The following CDH12 variants were observed in gnomAD, a reference collection of about 807,000 sequenced individuals.
CDH12 encodes the protein cadherin 12.
CDH12 carries 41 observed loss-of-function variants against 74.1 expected under a neutral mutation model. The observed-to-expected ratio is 0.55, with a 90% confidence interval of 0.43 to 0.72. The LOEUF is 0.72. Among genes scored for constraint, CDH12 ranks in the 30% least tolerant of loss-of-function variants. The probability of loss-of-function intolerance (pLI) is 0.00; values close to 1 mark genes in which losing one functional copy is unlikely to be tolerated. For missense variants in CDH12, 945 were observed against 977.2 expected (o/e 0.97, Z 0.44); for synonymous variants, 399 against 355.0 (o/e 1.12, Z -1.39).
chr5:22,597,836 T>C (rs1338275673), intron 1 of CDH12, among the ~76,000 whole-genome samples: 2 of 152,232 alleles, frequency 1.3e-5, no homozygotes, highest in Non-Finnish European at 2.9e-5. Flanking sequence ...AATGTGCAGG[T>C]ATTCAAGTAA....
rs533655490 is a variant in CDH12, at chr5:22,165,673, C to G, written c.-187+46825G>C. Among the ~76,000 whole-genome samples, 6 of 152,272 alleles carry G rather than the reference C, an allele frequency of 3.9e-5. No homozygotes were observed. In the South Asian group the frequency reaches 1.2e-3, roughly 32 times the overall value. On this transcript the variant is annotated intron_variant, in intron 4 of 14. Coordinates refer to ENST00000382254, the MANE Select transcript of CDH12 (RefSeq NM_004061.5). ...GCCAAGACCTACGGGGCTGCATCCC[C>G]AGATAGGCATTCTAAGTCAGAAGAT...
intron 2 of CDH12, among the ~76,000 whole-genome samples, chr5:22,491,980 C>T (rs373796712): frequency 1.4e-4 from 22 of 152,108 alleles, no homozygotes; most frequent in South Asian, 8.3e-4. Flanking sequence ...CTCACTATAA[C>T]GACCTCATTT....
chr5:21,938,411 A>C (rs1182684093), intron 6 of CDH12, among the ~76,000 whole-genome samples: 1 of 151,110 alleles, frequency 6.6e-6, no homozygotes, highest in Non-Finnish European at 1.5e-5. Context: ...AGACATAACA[A>C]TAAAACCACA....
At chr5:22,600,988 T>C (rs1736831320) in intron 1 of CDH12, among the ~76,000 whole-genome samples, 1 of 152,116 alleles carries the variant, frequency 6.6e-6, no homozygotes, top group African/African-American at 2.4e-5. Context: ...CACTTGTAAA[T>C]GAAGCTATTA....
intron 8 of CDH12, among the ~76,000 whole-genome samples, chr5:21,836,054 G>A (rs1000714222): frequency 6.6e-6 from 1 of 151,630 alleles, no homozygotes; most frequent in Admixed American, 6.6e-5. Flanking sequence ...CGTAAACAAA[G>A]ACAAAATATT....
intron 2 of CDH12, among the ~76,000 whole-genome samples, chr5:22,413,956 A>C (rs984889512): frequency 1.3e-5 from 2 of 152,024 alleles, no homozygotes; most frequent in Non-Finnish European, 2.9e-5. Context: ...TGCTTTTCAA[A>C]AACTTTTAAA....
At chr5:22,312,145 C>T (rs1362194891) in intron 3 of CDH12, among the ~76,000 whole-genome samples, 3 of 151,902 alleles carry the variant, frequency 2.0e-5, no homozygotes, top group Non-Finnish European at 4.4e-5. Flanking sequence ...ATTCAGAATA[C>T]ATTACTTGCA....
chr5:22,332,452 T>G (rs1425916161), intron 3 of CDH12, among the ~76,000 whole-genome samples: 1 of 152,102 alleles, frequency 6.6e-6, no homozygotes, highest in Non-Finnish European at 1.5e-5. Context: ...AACAAAAGCC[T>G]AAATTGAGAA....
intron 1 of CDH12, among the ~76,000 whole-genome samples, chr5:22,810,386 A>C (rs1749075144): frequency 6.6e-6 from 1 of 152,190 alleles, no homozygotes; most frequent in Non-Finnish European, 1.5e-5. Flanking sequence ...TTGAATTGCC[A>C]GTTGTTAAAA....
intron 1 of CDH12, among the ~76,000 whole-genome samples, chr5:22,847,634 T>C (rs926997796): frequency 5.3e-5 from 8 of 152,182 alleles, no homozygotes; most frequent in Non-Finnish European, 1.0e-4. Context: ...GATCGTTTAA[T>C]TAGCATCACG....
At chr5:21,758,532 C>A (rs13179343) in intron 13 of CDH12, among the ~76,000 whole-genome samples, 87,444 of 151,972 alleles carry the variant, frequency 0.58, 28,623 homozygotes, top group Non-Finnish European at 0.73. Context: ...GTTATAAAAT[C>A]AGGTGTTTTG....
At chr5:22,454,261 TAG>T (rs1302847996) in intron 2 of CDH12, among the ~76,000 whole-genome samples, 4 of 152,170 alleles carry the variant, frequency 2.6e-5, no homozygotes, top group Admixed American at 1.3e-4. Context: ...AACTAACAAT[TAG>T]TCTTTCGTAT....
chr5:22,691,076 A>G (rs538689539), intron 1 of CDH12, among the ~76,000 whole-genome samples: 57 of 152,222 alleles, frequency 3.7e-4, no homozygotes, highest in African/African-American at 1.4e-3. Flanking sequence ...TTTTTTCCTT[A>G]GCAATTGCTC....
intron 3 of CDH12, among the ~76,000 whole-genome samples, chr5:22,376,683 ATTTT>A (rs34256665): frequency 2.6e-5 from 3 of 117,224 alleles, no homozygotes; most frequent in Admixed American, 9.2e-5. Flanking sequence ...TGGTTGACTA[ATTTT>A]TTTTTTTTTT....
chr5:22,377,555 T>C (rs527854864), intron 3 of CDH12, among the ~76,000 whole-genome samples: 1 of 152,260 alleles, frequency 6.6e-6, no homozygotes, highest in South Asian at 2.1e-4. Flanking sequence ...ATTGAACCTG[T>C]TGAACTAAGT....
chr5:22,301,171 C>A (rs115064105), intron 3 of CDH12, among the ~76,000 whole-genome samples: 2 of 152,046 alleles, frequency 1.3e-5, no homozygotes, highest in Admixed American at 6.6e-5. Flanking sequence ...AAATTCTACC[C>A]AGGCGTATTT....
intron 1 of CDH12, among the ~76,000 whole-genome samples, chr5:22,825,878 G>A (rs1000782367): frequency 6.6e-6 from 1 of 152,114 alleles, no homozygotes; most frequent in Non-Finnish European, 1.5e-5. Flanking sequence ...ATAGAATGGT[G>A]GTAACTTGAG....
At chr5:22,015,031 C>A (rs2150155954) in intron 5 of CDH12, among the ~76,000 whole-genome samples, 1 of 152,126 alleles carries the variant, frequency 6.6e-6, no homozygotes, top group Middle Eastern at 3.4e-3. Context: ...CCCTGTAAAT[C>A]TAAGGAAGCA....
At chr5:21,889,562 C>A (rs988283547) in intron 6 of CDH12, 1 of 984,784 alleles carries the variant, frequency 1.0e-6, no homozygotes, top group Non-Finnish European at 1.2e-6. Flanking sequence ...TTTACAGAAG[C>A]AAAGTGAAAC....
Sources: gnomAD v4.1 joint callset for allele counts (sites outside exome capture counted in the v4.1 genomes callset) on GRCh38, gnomAD v4.1.1 for gene constraint, MANE v1.5 for transcripts, NCBI Gene and HGNC (gene_info 2026-07-23, HGNC 2026-07-21) for gene names.